AP3B1: variants seen among roughly 807,000 people sequenced by gnomAD.
AP3B1 encodes AP-3 complex subunit beta-1.
A neutral mutation model predicts 132.5 loss-of-function variants in AP3B1; 61 were observed. The ratio of observed to expected loss-of-function variants is 0.46; its 90% CI spans 0.37 to 0.57. AP3B1 has a LOEUF of 0.57. Among genes scored for constraint, AP3B1 ranks in the 20% least tolerant of loss-of-function variants. The pLI, the probability that AP3B1 is intolerant of heterozygous loss-of-function variation, is 0.00. For missense variants in AP3B1, 1,120 were observed against 1,289.4 expected (o/e 0.87, Z 2.01); for synonymous variants, 388 against 438.3 (o/e 0.89, Z 1.43).
At chr5:78,243,336 C>A (rs1747226385) in intron 2 of AP3B1, among the ~76,000 whole-genome samples, 1 of 152,188 alleles carries the variant, frequency 6.6e-6, no homozygotes, top group African/African-American at 2.4e-5. Context: ...ACATCCTGTC[C>A]TATGGTATCC....
intron 22 of AP3B1, chr5:78,041,825 T>G (rs530836138): frequency 1.3e-5 from 2 of 154,898 alleles, no homozygotes; most frequent in Non-Finnish European, 2.9e-5. Context: ...TTTCTTTTCT[T>G]TTTTTTTGAG....
intron 11 of AP3B1, among the ~76,000 whole-genome samples, chr5:78,174,265 C>T (rs1243355789): frequency 6.6e-6 from 1 of 152,150 alleles, no homozygotes; most frequent in Non-Finnish European, 1.5e-5. Context: ...AGAAGAGGTC[C>T]TCTGGTCTTT....
At chr5:78,052,149 T>C (rs1580285475) in intron 22 of AP3B1, among the ~76,000 whole-genome samples, 1 of 152,204 alleles carries the variant, frequency 6.6e-6, no homozygotes, top group African/African-American at 2.4e-5. Context: ...TTCTTCCTTA[T>C]GTATATAAAT....
intron 11 of AP3B1, among the ~76,000 whole-genome samples, chr5:78,169,060 C>T (rs1049853757): frequency 6.6e-6 from 1 of 152,028 alleles, no homozygotes; most frequent in Non-Finnish European, 1.5e-5. Flanking sequence ...TTTGTAATAT[C>T]TCCTCTACTA....
intron 22 of AP3B1, among the ~76,000 whole-genome samples, chr5:78,055,447 C>T (rs1487896534): frequency 1.3e-5 from 2 of 152,148 alleles, no homozygotes; most frequent in African/African-American, 4.8e-5. Context: ...GTATTTGTAT[C>T]TAATTGATAG....
chr5:78,003,837 T>C (rs1056156480), intron 26 of AP3B1, among the ~76,000 whole-genome samples: 17 of 152,196 alleles, frequency 1.1e-4, no homozygotes, highest in African/African-American at 3.4e-4. Flanking sequence ...TGCAATTGAC[T>C]GAAAAGCCGT....
chr5:78,127,563 A>G (rs895555128), intron 17 of AP3B1, among the ~76,000 whole-genome samples: 2 of 152,254 alleles, frequency 1.3e-5, no homozygotes, highest in East Asian at 3.9e-4. Context: ...TTGGTACACA[A>G]TGCTCCCTAT....
Position 78,280,072 on chromosome 5 carries a change from C to CAA in AP3B1, c.129-12479_129-12478dup, listed in dbSNP as rs70997984. Reference sequence around the variant, plus strand: ...TGGGCGACAGGGTGAGACTCTGTCTCAAAAAAAAAAAAAAAAGAATATATT... The same window carrying CAA: ...TGGGCGACAGGGTGAGACTCTGTCTCAAAAAAAAAAAAAAAAAAGAATATATT... On this transcript the variant is annotated intron_variant, in intron 1 of 26. Transcript: ENST00000255194. 2.8e-3 allele frequency among the ~76,000 whole-genome samples: 236 copies of CAA among 84,916 alleles called. 1 individual carries two copies. Among genetic ancestry groups the CAA allele is most frequent in the African/African-American group, 8.9e-3 (192 of 21,522 alleles). The allele number at this position is 84,916 out of a possible 152,430, so 55.7% of individuals were successfully genotyped here.
chr5:78,185,325 TCTC>T (rs1443441894), intron 7 of AP3B1, among the ~76,000 whole-genome samples: 1 of 152,204 alleles, frequency 6.6e-6, no homozygotes, highest in Non-Finnish European at 1.5e-5. Context: ...AGTTTTTCCT[TCTC>T]CTCTGAGTCT....
intron 6 of AP3B1, among the ~76,000 whole-genome samples, chr5:78,218,493 G>C (rs1746049624): frequency 6.6e-6 from 1 of 151,954 alleles, no homozygotes; most frequent in Admixed American, 6.6e-5. Context: ...CTGTGCTGTT[G>C]CTATGAACTT....
At chr5:78,151,838 TC>T (rs1161520294) in intron 14 of AP3B1, among the ~76,000 whole-genome samples, 2 of 22,418 alleles carry the variant, frequency 8.9e-5, no homozygotes, top group African/African-American at 1.6e-4. Context: ...TTCCCTCCCC[TC>T]CCCCTTCCCC....
intron 15 of AP3B1, among the ~76,000 whole-genome samples, chr5:78,139,865 C>G (rs1753071103): frequency 6.6e-6 from 1 of 151,434 alleles, no homozygotes; most frequent in South Asian, 2.1e-4. Context: ...GGGGGCGGGG[C>G]ACGAAGGGAT....
At chr5:78,266,611 A>G (rs979047063) in intron 2 of AP3B1, among the ~76,000 whole-genome samples, 2 of 152,198 alleles carry the variant, frequency 1.3e-5, no homozygotes, top group Non-Finnish European at 1.5e-5. Flanking sequence ...ACAGTAGTTT[A>G]TTTAAGCAAT....
chr5:78,230,815 A>G (rs565280642), intron 3 of AP3B1, among the ~76,000 whole-genome samples: 1 of 152,206 alleles, frequency 6.6e-6, no homozygotes, highest in African/African-American at 2.4e-5. Flanking sequence ...AATCTGTATG[A>G]CATTGAAAAT....
intron 17 of AP3B1, among the ~76,000 whole-genome samples, chr5:78,121,421 A>G (rs1010326076): frequency 6.6e-6 from 1 of 152,186 alleles, no homozygotes; most frequent in Non-Finnish European, 1.5e-5. Flanking sequence ...TTTTTTGAAA[A>G]GATCAACAAA....
chr5:78,255,888 T>A (rs1291663819), intron 2 of AP3B1, among the ~76,000 whole-genome samples: 1 of 152,062 alleles, frequency 6.6e-6, no homozygotes, highest in Non-Finnish European at 1.5e-5. Flanking sequence ...AATAATTGCA[T>A]CTTCTCTAAT....
rs1056281695 is a variant in AP3B1, at chr5:78,039,265, G to C, written c.2587C>G (p.Pro863Ala). ...TGAGTTTTCGTTGGTACAAATGCAGGAGTACTGACCTATTACACACGGCAA... is the reference window on the plus strand; with the variant it reads ...TGAGTTTTCGTTGGTACAAATGCAGCAGTACTGACCTATTACACACGGCAA... The part of the protein sequence containing the change: ...TSSSVISVST[P>A]AFVPTKTHVL... The change falls in exon 23 of 27, where the codon CCT becomes GCT. Residue 863 changes from proline to alanine, a missense_variant. Coordinates refer to ENST00000255194, the MANE Select transcript of AP3B1 (RefSeq NM_003664.5). 9 of 1,613,606 alleles carry C rather than the reference G, an allele frequency of 5.6e-6. No individual in the cohort carries two copies. The Admixed American group carries it at 6.7e-5, about 12-fold the overall frequency.
rs375743259 is a variant in AP3B1 at position 78,130,765 on chromosome 5, T to C, written c.1651-1458A>G. Among the ~76,000 whole-genome samples, 72 of 152,120 alleles carry C rather than the reference T, an allele frequency of 4.7e-4. 2 individuals carry two copies. In the South Asian group the frequency reaches 0.015, roughly 31 times the overall value. On this transcript the variant is annotated intron_variant, in intron 15 of 26. Transcript: ENST00000255194. Reference sequence around the variant, plus strand: ...CCACTTAATCATTAGTTTTCTCAAATGTGGAGTTAGAATTTACAACTTGGT... The same window carrying C: ...CCACTTAATCATTAGTTTTCTCAAACGTGGAGTTAGAATTTACAACTTGGT...
chr5:78,196,148 T>G (rs1436315111), intron 7 of AP3B1, among the ~76,000 whole-genome samples: 4 of 152,116 alleles, frequency 2.6e-5, no homozygotes, highest in Non-Finnish European at 4.4e-5. Context: ...AGGACTGTTA[T>G]CCAAAATATA....
Sources: gnomAD v4.1 joint callset for allele counts (sites outside exome capture counted in the v4.1 genomes callset) on GRCh38, gnomAD v4.1.1 for gene constraint, MANE v1.5 for transcripts, NCBI Gene and HGNC (gene_info 2026-07-23, HGNC 2026-07-21) for gene names.